The following NUMA1 variants were observed in gnomAD, a reference collection of about 807,000 sequenced individuals.
The protein encoded by NUMA1 is nuclear mitotic apparatus protein 1.
Under a neutral mutation model 237.1 loss-of-function variants are expected in NUMA1, and 62 were observed. The observed-to-expected ratio is 0.26, with a 90% confidence interval of 0.21 to 0.32. The LOEUF is 0.32. Among genes scored for constraint, NUMA1 ranks in the 10% least tolerant of loss-of-function variants. NUMA1 has a pLI of 1.00. For missense variants in NUMA1, 2,533 were observed against 2,666.5 expected (o/e 0.95, Z 1.10); for synonymous variants, 1,028 against 1,066.1 (o/e 0.96, Z 0.70).
intron 8 of NUMA1, 49 bp from the exon 9 acceptor site, chr11:72,019,666 G>T (rs1361459991): frequency 1.3e-6 from 2 of 1,595,632 alleles, no homozygotes; most frequent in African/African-American, 2.7e-5. Context: ...TAGTAAGAAG[G>T]TGTAAAGATT....
At chr11:72,067,880 A>G (rs1221216545) in intron 2 of NUMA1, 1 of 152,224 alleles carries the variant, frequency 6.6e-6, no homozygotes. Context: ...TTTCAAGACC[A>G]CTGTTTCCAG....
At position 72,004,824 on chromosome 11, in the gene NUMA1, G is replaced by A. The variant is rs765574311; in HGVS notation, c.5830-8C>T. ...GCCCAGGCTCAGGGAAGGCTGCATG[G>A]GTGGAAGAGGTGGTCAGTGGACCAT... On this transcript the variant is annotated splice_polypyrimidine_tract_variant and splice_region_variant and intron_variant, in intron 23 of 26. Transcript: ENST00000393695. 4 of 1,556,832 alleles carry A rather than the reference G, an allele frequency of 2.6e-6. No homozygotes were observed. The highest frequency in any genetic ancestry group is 1.9e-5 in the Admixed American group (1 of 52,258).
chr11:72,016,787 A>G, intron 13 of NUMA1: 1 of 461,040 alleles, frequency 2.2e-6, no homozygotes, highest in Non-Finnish European at 3.9e-6. Flanking sequence ...TTTACTTCAA[A>G]TTTCCTTACC....
intron 23 of NUMA1, 112 bp from the exon 24 acceptor site, chr11:72,004,928 C>G (rs1340609564): frequency 1.2e-5 from 13 of 1,108,576 alleles, no homozygotes; most frequent in Non-Finnish European, 1.6e-5. Flanking sequence ...GGGACCCTTC[C>G]TGCCTCACGA....
intron 3 of NUMA1, 102 bp from the exon 4 acceptor site, chr11:72,029,392 G>T: frequency 1.7e-6 from 1 of 604,062 alleles, no homozygotes; most frequent in Non-Finnish European, 2.8e-6. Flanking sequence ...TAGACTATAG[G>T]AATACAAGAA....
chr11:72,021,906 G>A (rs1331822393), intron 7 of NUMA1, among the ~76,000 whole-genome samples: 4 of 152,090 alleles, frequency 2.6e-5, no homozygotes, highest in South Asian at 2.1e-4. Flanking sequence ...GAGCCACCAC[G>A]CCCGGCCAGG....
chr11:72,024,348 C>T lies in NUMA1; in HGVS notation c.134G>A (p.Gly45Asp). Reference protein sequence around the residue: ...IFIKIIDRIHGTEEGQQILKQ... With the variant: ...IFIKIIDRIHDTEEGQQILKQ... ...CAAGATTTGCTGTCCCTCTTCAGTGCCATGGCTAGAAAAAGAGCAAGTATT... is the reference window on the plus strand; with the variant it reads ...CAAGATTTGCTGTCCCTCTTCAGTGTCATGGCTAGAAAAAGAGCAAGTATT... The change falls in exon 5 of 27, where the codon GGC becomes GAC. Residue 45 changes from glycine to aspartate, a missense_variant. This residue lies in a region of NUMA1 where 1,414 missense variants were observed against 1,508.1 expected (regional missense o/e 0.94). Transcript: ENST00000393695. The T allele has an allele frequency of 6.2e-7, 1 of 1,614,102 alleles. No individual in the cohort carries two copies. Among genetic ancestry groups the T allele is most frequent in the African/African-American group, 1.3e-5 (1 of 75,064 alleles).
intron 12 of NUMA1, 151 bp from the exon 13 acceptor site, chr11:72,017,978 AC>A (rs1938123435): frequency 9.4e-6 from 10 of 1,068,018 alleles, no homozygotes; most frequent in Non-Finnish European, 1.1e-5. Flanking sequence ...CTAATTCAGA[AC>A]TACAAATCAA....
At chr11:72,027,472 A>T (rs1320538727) in intron 4 of NUMA1, among the ~76,000 whole-genome samples, 1 of 152,186 alleles carries the variant, frequency 6.6e-6, no homozygotes. Context: ...TATATAGGCA[A>T]CAAGGGGAAT....
intron 4 of NUMA1, among the ~76,000 whole-genome samples, chr11:72,025,265 T>G (rs1251416162): frequency 6.6e-6 from 1 of 151,686 alleles, no homozygotes; most frequent in Non-Finnish European, 1.5e-5. Flanking sequence ...AAGAGAGCCA[T>G]GAGGAGAGGG....
rs368335812 is a variant in NUMA1 at position 72,015,462 on chromosome 11, G to A, written c.2041C>T (p.Arg681Trp). Residue 681 changes from arginine (R) to tryptophan (W), a missense_variant, in exon 15 of 27, where the codon CGG (arginine) becomes TGG (tryptophan). Arg to Trp is a moderately radical substitution (Grantham distance 101). This residue lies in a region of NUMA1 where 1,414 missense variants were observed against 1,508.1 expected (regional missense o/e 0.94). Coordinates refer to ENST00000393695, the MANE Select transcript of NUMA1 (RefSeq NM_006185.4). This position sits in a 1 kb window ranked among gnomAD's most constrained non-coding sequence, Gnocchi z 4.0. ...AQVAELELQL[R>W]SEQQKATEKE... Reference sequence around the variant, plus strand: ...TCAGTTGCTTTTTGCTGCTCAGACCGCAGCTGCAACTCTAGCTCTGCAACC... The same window carrying A: ...TCAGTTGCTTTTTGCTGCTCAGACCACAGCTGCAACTCTAGCTCTGCAACC... The A allele has an allele frequency of 2.8e-5, 45 of 1,612,116 alleles. No individual in the cohort carries two copies. The highest frequency in any genetic ancestry group is 4.0e-5 in the African/African-American group (3 of 74,896).
intron 15 of NUMA1, 91 bp downstream of exon 15, chr11:72,012,804 G>T: frequency 6.6e-7 from 1 of 1,517,848 alleles, no homozygotes; most frequent in South Asian, 1.3e-5. Context: ...ACACTCCAGT[G>T]TAGGAGCTAG....
At chr11:72,061,681 G>A (rs1942952907) in intron 2 of NUMA1, among the ~76,000 whole-genome samples, 1 of 151,764 alleles carries the variant, frequency 6.6e-6, no homozygotes, top group African/African-American at 2.4e-5. Context: ...TGTAGAGACA[G>A]GGCCTTGTCA....
chr11:72,009,676 A>C (rs1332114326), intron 17 of NUMA1, among the ~76,000 whole-genome samples: 1 of 152,128 alleles, frequency 6.6e-6, no homozygotes, highest in Non-Finnish European at 1.5e-5. Context: ...TGCATGCACA[A>C]TCTCCCGTAG....
In NUMA1 at chr11:72,016,205, T is replaced by C; in HGVS notation, c.1298A>G (p.Gln433Arg). Residue 433 changes from glutamine to arginine, a missense_variant, in exon 15 of 27, where the codon CAA (glutamine) becomes CGA (arginine). Coordinates refer to ENST00000393695, the MANE Select transcript of NUMA1 (RefSeq NM_006185.4). Reference protein sequence around the residue: ...ATLAANNTQLQARVEMLETER... With the variant: ...ATLAANNTQLRARVEMLETER... ...AGTCTCCAGCATCTCTACCCTGGCT[T>C]GGAGCTGTGTGTTGTTTGCAGCAAG... 6.2e-7 allele frequency: 1 copy of C among 1,608,388 alleles called. No individual in the cohort carries two copies. The highest frequency in any genetic ancestry group is 8.5e-7 in the Non-Finnish European group (1 of 1,175,584).
At chr11:72,077,993 T>A (rs1471635169) in intron 1 of NUMA1, among the ~76,000 whole-genome samples, 3 of 152,074 alleles carry the variant, frequency 2.0e-5, no homozygotes, top group Non-Finnish European at 4.4e-5. Context: ...TAGACATACA[T>A]GGGTAAAATG....
At chr11:72,055,809 C>T (rs1942601980) in intron 2 of NUMA1, among the ~76,000 whole-genome samples, 1 of 149,046 alleles carries the variant, frequency 6.7e-6, no homozygotes, top group South Asian at 2.1e-4. Flanking sequence ...GCAAGACCCC[C>T]ATCTCTCAAA....
At chr11:72,061,335 A>T (rs1289500090) in intron 2 of NUMA1, among the ~76,000 whole-genome samples, 1 of 152,218 alleles carries the variant, frequency 6.6e-6, no homozygotes, top group African/African-American at 2.4e-5. Flanking sequence ...CTCATTTTCA[A>T]ATAACTTTAT....
intron 1 of NUMA1, among the ~76,000 whole-genome samples, chr11:72,074,194 CAA>C (rs1491554347): frequency 1.3e-5 from 2 of 149,820 alleles, no homozygotes; most frequent in African/African-American, 4.9e-5. Context: ...AACTCCATCT[CAA>C]AAAAAATTAA....
Sources: gnomAD v4.1 joint callset for allele counts (sites outside exome capture counted in the v4.1 genomes callset) on GRCh38, gnomAD v4.1.1 for gene constraint, gnomAD v4.1.1 regional missense constraint, Gnocchi (gnomAD v3.1) non-coding constraint, MANE v1.5 for transcripts, NCBI Gene and HGNC (gene_info 2026-07-23, HGNC 2026-07-21) for gene names.